The following NRXN3 variants were observed in gnomAD, a reference collection of about 807,000 sequenced individuals.
The protein encoded by NRXN3 is neurexin III.
In NRXN3, 32 loss-of-function variants were observed where a neutral mutation model predicts 137.6. The observed-to-expected ratio is 0.23, with a 90% confidence interval of 0.18 to 0.31. The LOEUF is 0.31. Ranked by LOEUF, NRXN3 falls within the 10% of genes least tolerant of loss-of-function variation. The pLI is 1.00. For missense variants in NRXN3, 1,574 were observed against 2,062.5 expected (o/e 0.76, Z 4.59); for synonymous variants, 798 against 784.5 (o/e 1.02, Z -0.29).
chr14:78,384,853 G>A (rs1229599165), intron 4 of NRXN3, among the ~76,000 whole-genome samples: 3 of 152,072 alleles, frequency 2.0e-5, no homozygotes, highest in African/African-American at 2.4e-5. Flanking sequence ...AATGCTGCTC[G>A]TTTTATCCGT....
intron 8 of NRXN3, among the ~76,000 whole-genome samples, chr14:78,754,256 C>A (rs1052391873): frequency 2.0e-5 from 3 of 152,118 alleles, no homozygotes; most frequent in African/African-American, 7.2e-5. Context: ...CTAATGGTCT[C>A]CCAGTTAATT....
At chr14:78,922,212 C>A (rs1252611266) in intron 10 of NRXN3, among the ~76,000 whole-genome samples, 3 of 152,180 alleles carry the variant, frequency 2.0e-5, no homozygotes, top group African/African-American at 7.2e-5. Flanking sequence ...AGAGTGAACA[C>A]TTTCCTCTAT....
chr14:78,604,541 C>T (rs2152447672), intron 4 of NRXN3, among the ~76,000 whole-genome samples: 1 of 152,262 alleles, frequency 6.6e-6, no homozygotes, highest in South Asian at 2.1e-4. Flanking sequence ...TTTAACATTT[C>T]TGAGGTCTAT....
At position 79,316,729 on chromosome 14, in the gene NRXN3, CCTCT is replaced by C. The variant is rs35515937; in HGVS notation, c.3263-150461_3263-150458del. Among the ~76,000 whole-genome samples, 473 of 137,404 alleles carry C rather than the reference CCTCT, an allele frequency of 3.4e-3. 1 individual carries two copies. The highest frequency in any genetic ancestry group is 4.7e-3 in the Admixed American group (64 of 13,740). 90.1% of individuals were successfully genotyped at this position (137,404 alleles called of 152,430 possible). ...TTATCATCATGTAATCTGTCCTGTC[CCTCT>C]CTCTCTCTCTCTCTCTCTCTCTCTC... On this transcript the variant is annotated intron_variant, in intron 15 of 20. Coordinates refer to ENST00000335750, the MANE Select transcript of NRXN3 (RefSeq NM_001330195.2).
chr14:78,677,525 T>C (rs7158202), intron 6 of NRXN3, among the ~76,000 whole-genome samples: 52,541 of 151,870 alleles, frequency 0.35, 9,494 homozygotes, highest in African/African-American at 0.43. Flanking sequence ...CTTATGGATT[T>C]GCAATAAAAG....
chr14:79,793,444 G>C (rs1336666163), intron 19 of NRXN3, among the ~76,000 whole-genome samples: 1 of 151,996 alleles, frequency 6.6e-6, no homozygotes, highest in Non-Finnish European at 1.5e-5. Flanking sequence ...CAAAAACAAA[G>C]ACCCACAGTC....
chr14:78,649,555 A>C (rs1056137166), intron 5 of NRXN3, among the ~76,000 whole-genome samples: 5 of 145,296 alleles, frequency 3.4e-5, no homozygotes, highest in African/African-American at 1.0e-4. Context: ...TTTTTCCCCC[A>C]AAAAATGCTT....
At chr14:79,704,286 A>G (rs1353868235) in intron 19 of NRXN3, among the ~76,000 whole-genome samples, 1 of 152,188 alleles carries the variant, frequency 6.6e-6, no homozygotes, top group Non-Finnish European at 1.5e-5. Context: ...GGCCCAGACT[A>G]GAACCTCAGA....
At chr14:78,778,738 CTTTCTTTCTTTCCT>C (rs2098755074) in intron 8 of NRXN3, among the ~76,000 whole-genome samples, 15 of 134,384 alleles carry the variant, frequency 1.1e-4, no homozygotes, top group African/African-American at 1.7e-4. Context: ...TTCTCTCTCT[CTTTCTTTCTTTCCT>C]TCTTTCTCTT....
At chr14:79,466,726 G>T (rs1165621384) in intron 15 of NRXN3, among the ~76,000 whole-genome samples, 2 of 152,174 alleles carry the variant, frequency 1.3e-5, no homozygotes, top group East Asian at 1.9e-4. Flanking sequence ...GTGGGAGAAG[G>T]TACAAGCAGG....
intron 10 of NRXN3, among the ~76,000 whole-genome samples, chr14:78,929,849 G>A (rs1194265967): frequency 6.6e-6 from 1 of 152,128 alleles, no homozygotes; most frequent in Non-Finnish European, 1.5e-5. Context: ...TTAAGGAAAT[G>A]ATTAAACACT....
chr14:78,373,351 A>G (rs572157695), intron 4 of NRXN3, among the ~76,000 whole-genome samples: 4 of 152,318 alleles, frequency 2.6e-5, no homozygotes, highest in African/African-American at 7.2e-5. Flanking sequence ...AACAAACACT[A>G]TAGCAGTAGC....
chr14:78,534,521 C>T (rs1035836539), intron 4 of NRXN3, among the ~76,000 whole-genome samples: 1 of 152,286 alleles, frequency 6.6e-6, no homozygotes, highest in South Asian at 2.1e-4. Flanking sequence ...GGGCAATAAG[C>T]AGAAAAGGTG....
In NRXN3 at chr14:78,701,669, T is replaced by TA. The variant is rs200010539; in HGVS notation, c.1222-7547dup. Among the ~76,000 whole-genome samples, 1,467 of 152,348 alleles carry TA rather than the reference T, an allele frequency of 9.6e-3. 13 individuals carry two copies. The highest frequency in any genetic ancestry group is 0.015 in the African/African-American group (615 of 41,574). On this transcript the variant is annotated intron_variant, in intron 6 of 20. Transcript: ENST00000335750. ...CATCTGGTGAAATCTAGCTTTCAGA[T>TA]ACGCTTTGTTTGACCCATAGAGTGT... is the stretch of plus-strand genomic sequence containing the variant.
At chr14:79,486,211 C>A (rs1027261511) in intron 16 of NRXN3, among the ~76,000 whole-genome samples, 1 of 152,094 alleles carries the variant, frequency 6.6e-6, no homozygotes, top group Non-Finnish European at 1.5e-5. Context: ...CCTCTGAGGG[C>A]CCTGCAAAGA....
intron 4 of NRXN3, among the ~76,000 whole-genome samples, chr14:78,307,748 T>A (rs2077514268): frequency 6.6e-6 from 1 of 152,056 alleles, no homozygotes; most frequent in Admixed American, 6.6e-5. Flanking sequence ...TTCATTAAAA[T>A]TTACATGTAA....
chr14:79,426,853 A>T (rs1185351647), intron 15 of NRXN3, among the ~76,000 whole-genome samples: 2 of 151,866 alleles, frequency 1.3e-5, no homozygotes, highest in African/African-American at 4.8e-5. Context: ...AAATATCCTT[A>T]CTCTATATTA....
At chr14:78,706,808 G>A (rs754462570) in intron 6 of NRXN3, among the ~76,000 whole-genome samples, 4 of 152,102 alleles carry the variant, frequency 2.6e-5, no homozygotes, top group Non-Finnish European at 5.9e-5. Flanking sequence ...TCAATGCTTC[G>A]CCATAGTTAT....
chr14:79,254,424 G>A (rs991544249), intron 15 of NRXN3, among the ~76,000 whole-genome samples: 3 of 152,118 alleles, frequency 2.0e-5, no homozygotes, highest in African/African-American at 7.2e-5. Context: ...AAGCTCCTTG[G>A]TGACTTTTCT....
Sources: gnomAD v4.1 joint callset for allele counts (sites outside exome capture counted in the v4.1 genomes callset) on GRCh38, gnomAD v4.1.1 for gene constraint, MANE v1.5 for transcripts, NCBI Gene and HGNC (gene_info 2026-07-23, HGNC 2026-07-21) for gene names.